TGS1: variants seen among roughly 807,000 people sequenced by gnomAD.
TGS1 encodes the protein trimethylguanosine synthase 1.
Under a neutral mutation model 92.2 loss-of-function variants are expected in TGS1, and 69 were observed. The observed-to-expected ratio is 0.75, with a 90% CI of 0.62 to 0.91. TGS1 has a LOEUF of 0.91. Ranked by LOEUF, TGS1 falls within the 40% of genes least tolerant of loss-of-function variation. TGS1 has a pLI of 0.00. For missense variants in TGS1, 1,062 were observed against 1,001.2 expected, an observed-to-expected ratio of 1.06 and a Z score of -0.82; for synonymous variants, 345 against 338.1, an observed-to-expected ratio of 1.02 and a Z score of -0.22.
chr8:55,782,846 G>T (rs1030077149), intron 2 of TGS1, 34 bp downstream of exon 2: 1 of 1,365,348 alleles, frequency 7.3e-7, no homozygotes. Flanking sequence ...AACCTTTTTT[G>T]CTGAAATTAG....
chr8:55,813,355 A>G (rs962808597), intron 12 of TGS1, among the ~76,000 whole-genome samples: 43 of 152,248 alleles, frequency 2.8e-4, no homozygotes, highest in African/African-American at 8.9e-4. Flanking sequence ...TTGACTAGAC[A>G]TATTGAAAGG....
intron 11 of TGS1, among the ~76,000 whole-genome samples, chr8:55,812,685 AAAAT>A (rs1055485416): frequency 6.6e-6 from 1 of 152,032 alleles, no homozygotes; most frequent in Non-Finnish European, 1.5e-5. Context: ...CCCTGTCTCA[AAAAT>A]AAATAAGCAG....
intron 12 of TGS1, among the ~76,000 whole-genome samples, chr8:55,823,672 C>A (rs1319765021): frequency 6.6e-6 from 1 of 151,982 alleles, no homozygotes; most frequent in East Asian, 1.9e-4. Flanking sequence ...TCAGTAAATA[C>A]TGTTGAATGA....
rs1206093522 is a variant in TGS1 at position 55,788,100 on chromosome 8, G to A, written c.1162+1040G>A. The stretch of plus-strand genomic sequence containing the variant: ...TCCAAACCCTATCAGTGCTCTTGCT[G>A]GGGAGAGGCTTCTGCCAATTAACAG... On this transcript the variant is annotated intron_variant, in intron 4 of 12. Coordinates refer to ENST00000260129, the MANE Select transcript of TGS1 (RefSeq NM_024831.8). Among the ~76,000 whole-genome samples, 4 of 152,236 alleles carry A rather than the reference G, an allele frequency of 2.6e-5. No individual in the cohort carries two copies. The South Asian group carries it at 8.3e-4, about 31-fold the overall frequency.
At chr8:55,789,336 T>A (rs1347928011) in intron 4 of TGS1, among the ~76,000 whole-genome samples, 2 of 152,232 alleles carry the variant, frequency 1.3e-5, no homozygotes, top group Non-Finnish European at 2.9e-5. Context: ...TTGTCTTTGT[T>A]ACTCTCATTA....
chr8:55,806,744 A>T (rs375503993), intron 10 of TGS1, among the ~76,000 whole-genome samples: 4 of 152,180 alleles, frequency 2.6e-5, no homozygotes, highest in African/African-American at 9.7e-5. Context: ...AGACATAAAG[A>T]GATGAAATAA....
At chr8:55,780,412 T>G (rs1198725347) in intron 1 of TGS1, among the ~76,000 whole-genome samples, 2 of 152,104 alleles carry the variant, frequency 1.3e-5, no homozygotes, top group Non-Finnish European at 2.9e-5. Flanking sequence ...CAGGAATAGT[T>G]GGGTCATGCC....
intron 8 of TGS1, among the ~76,000 whole-genome samples, chr8:55,800,174 T>C (rs143175527): frequency 6.6e-6 from 1 of 152,176 alleles, no homozygotes; most frequent in East Asian, 1.9e-4. Flanking sequence ...CAAGTGTGGG[T>C]GTATGTGTAT....
At chr8:55,777,289 G>GTT (rs35331898) in intron 1 of TGS1, among the ~76,000 whole-genome samples, 1 of 142,970 alleles carries the variant, frequency 7.0e-6, no homozygotes. Context: ...GATTACAGGT[G>GTT]TTTTTTTTTT....
At chr8:55,822,908 C>T (rs1803689081) in intron 12 of TGS1, among the ~76,000 whole-genome samples, 2 of 152,306 alleles carry the variant, frequency 1.3e-5, no homozygotes, top group Admixed American at 1.3e-4. Flanking sequence ...TACATTCTCT[C>T]AACCCTTAAA....
intron 4 of TGS1, 102 bp downstream of exon 4, chr8:55,787,162 A>T: frequency 2.7e-6 from 2 of 739,514 alleles, no homozygotes; most frequent in Non-Finnish European, 4.4e-6. Context: ...AATAATACCA[A>T]GTACATTTCA....
At chr8:55,785,554 G>C (rs574109217) in intron 2 of TGS1, among the ~76,000 whole-genome samples, 165 bp from the exon 3 acceptor site, 2 of 151,760 alleles carry the variant, frequency 1.3e-5, no homozygotes, top group South Asian at 4.2e-4. Flanking sequence ...CTCCAACCTG[G>C]GCAGTGTTGT....
chr8:55,773,848 T>G, intron 1 of TGS1, 129 bp downstream of exon 1: 5 of 708,108 alleles, frequency 7.1e-6, no homozygotes, highest in African/African-American at 1.8e-5. Flanking sequence ...CGGTGATGTT[T>G]AAGAAAAACA....
chr8:55,812,260 G>A (rs1803359330), intron 11 of TGS1, among the ~76,000 whole-genome samples: 1 of 151,936 alleles, frequency 6.6e-6, no homozygotes, highest in African/African-American at 2.4e-5. Flanking sequence ...GGATATGCTG[G>A]GTCACGCCTG....
chr8:55,824,970 G>A lies in TGS1; in HGVS notation c.*267G>A, dbSNP rs374669420. 1 of 317,758 alleles carries A rather than the reference G, an allele frequency of 3.1e-6. No homozygotes were observed. Among genetic ancestry groups the A allele is most frequent in the Non-Finnish European group, 5.9e-6 (1 of 169,820 alleles). 19.7% of individuals were successfully genotyped at this position (317,758 alleles called of 1,614,324 possible). A position where few individuals can be genotyped will look rare whatever the true frequency, so the allele number is the denominator to read the frequency against. ...GGATCTCACTTTTACCGCCCAGGCTGGAGTGCAGTGCCATGATCACAGCTC... is the reference window on the plus strand; with the variant it reads ...GGATCTCACTTTTACCGCCCAGGCTAGAGTGCAGTGCCATGATCACAGCTC... On this transcript the variant is annotated 3_prime_UTR_variant, in exon 13 of 13. Transcript: ENST00000260129.
At chr8:55,818,268 C>T (rs564846463) in intron 12 of TGS1, among the ~76,000 whole-genome samples, 1 of 152,198 alleles carries the variant, frequency 6.6e-6, no homozygotes, top group Non-Finnish European at 1.5e-5. Context: ...GCCTCCCAGA[C>T]TGAAACAATT....
At chr8:55,822,079 T>C (rs998439642) in intron 12 of TGS1, among the ~76,000 whole-genome samples, 4 of 151,288 alleles carry the variant, frequency 2.6e-5, no homozygotes, top group Non-Finnish European at 4.4e-5. Context: ...TTTCTTTCTT[T>C]TTTTTTTTGA....
At chr8:55,812,282 C>G (rs1215000171) in intron 11 of TGS1, among the ~76,000 whole-genome samples, 1 of 152,068 alleles carries the variant, frequency 6.6e-6, no homozygotes, top group South Asian at 2.1e-4. Flanking sequence ...ACTCCTGGCA[C>G]TTTGGGAGGC....
chr8:55,816,514 G>A (rs1482165836), intron 12 of TGS1, among the ~76,000 whole-genome samples: 1 of 152,188 alleles, frequency 6.6e-6, no homozygotes. Context: ...TCTAGTCTCA[G>A]AAAAGCAATA....
Sources: gnomAD v4.1 joint callset for allele counts (sites outside exome capture counted in the v4.1 genomes callset) on GRCh38, gnomAD v4.1.1 for gene constraint, MANE v1.5 for transcripts, NCBI Gene and HGNC (gene_info 2026-07-23, HGNC 2026-07-21) for gene names.